The following NCAM2 variants were observed in gnomAD, a reference collection of about 807,000 sequenced individuals.
NCAM2 encodes neural cell adhesion molecule 2.
In NCAM2, 30 loss-of-function variants were observed where a neutral mutation model predicts 98.1. The ratio of observed to expected loss-of-function variants is 0.31; its 90% CI spans 0.23 to 0.41. The LOEUF is 0.41. Among genes scored for constraint, NCAM2 ranks in the 10% least tolerant of loss-of-function variants. NCAM2 has a pLI of 1.00. For synonymous variants in NCAM2, 368 were observed against 342.4 expected (o/e 1.07, Z -0.83); for missense variants, 867 against 1,005.8 (o/e 0.86, Z 1.87).
chr21:21,095,653 A>T (rs376303941), intron 1 of NCAM2, among the ~76,000 whole-genome samples: 3 of 151,622 alleles, frequency 2.0e-5, no homozygotes, highest in African/African-American at 7.2e-5. Context: ...AGGAATAAAG[A>T]TATTGAATAC....
chr21:21,301,689 T>A (rs1350357908), intron 5 of NCAM2, among the ~76,000 whole-genome samples: 1 of 150,244 alleles, frequency 6.7e-6, no homozygotes, highest in African/African-American at 2.5e-5. Flanking sequence ...TCCAATTTCA[T>A]CCATGTCCCT....
At chr21:21,118,862 T>C (rs2066616060) in intron 1 of NCAM2, among the ~76,000 whole-genome samples, 1 of 152,154 alleles carries the variant, frequency 6.6e-6, no homozygotes, top group African/African-American at 2.4e-5. Context: ...CTCTCCCCAG[T>C]GTTTTCAGGT....
chr21:21,040,898 C>A (rs1288485852), intron 1 of NCAM2, among the ~76,000 whole-genome samples: 3 of 152,022 alleles, frequency 2.0e-5, no homozygotes, highest in African/African-American at 7.2e-5. Flanking sequence ...TATTGTGTAT[C>A]TTCAGATAGC....
intron 15 of NCAM2, among the ~76,000 whole-genome samples, chr21:21,480,978 A>G (rs983567417): frequency 3.9e-5 from 6 of 152,234 alleles, no homozygotes; most frequent in Admixed American, 2.6e-4. Flanking sequence ...TGAAATATCA[A>G]ATCGTTGGTT....
intron 8 of NCAM2, 104 bp downstream of exon 8, chr21:21,338,638 G>A: frequency 4.2e-6 from 5 of 1,177,274 alleles, no homozygotes; most frequent in South Asian, 1.8e-5. Flanking sequence ...GTAACTTGTA[G>A]GATCAAATAA....
intron 1 of NCAM2, among the ~76,000 whole-genome samples, chr21:21,193,973 C>T (rs1425963727): frequency 1.3e-5 from 2 of 151,660 alleles, no homozygotes; most frequent in African/African-American, 4.8e-5. Context: ...TTTTATGTGC[C>T]TTGTATTAAA....
At chr21:21,040,409 A>G (rs1307742400) in intron 1 of NCAM2, among the ~76,000 whole-genome samples, 3 of 152,010 alleles carry the variant, frequency 2.0e-5, no homozygotes, top group Non-Finnish European at 2.9e-5. Flanking sequence ...ATTTAGATAT[A>G]TGAATATATA....
chr21:21,271,189 A>G (rs2072484233), intron 1 of NCAM2, among the ~76,000 whole-genome samples: 1 of 152,214 alleles, frequency 6.6e-6, no homozygotes, highest in African/African-American at 2.4e-5. Flanking sequence ...TAAAAATCTA[A>G]AAAGAATGTA....
intron 12 of NCAM2, among the ~76,000 whole-genome samples, chr21:21,465,377 T>G (rs1371211763): frequency 6.6e-6 from 1 of 151,806 alleles, no homozygotes; most frequent in Non-Finnish European, 1.5e-5. Context: ...GCCCAAGAAT[T>G]CAACACCAGC....
intron 1 of NCAM2, among the ~76,000 whole-genome samples, chr21:21,148,728 A>C (rs2067362518): frequency 6.6e-6 from 1 of 152,168 alleles, no homozygotes; most frequent in African/African-American, 2.4e-5. Context: ...TTTCCCTTAG[A>C]TTTCCCAGTA....
chr21:21,390,613 A>G (rs1481139796), intron 9 of NCAM2, among the ~76,000 whole-genome samples: 1 of 152,188 alleles, frequency 6.6e-6, no homozygotes, highest in Non-Finnish European at 1.5e-5. Context: ...AAAAGAACAA[A>G]TAACATATTC....
chr21:21,097,772 A>G (rs1347682226), intron 1 of NCAM2, among the ~76,000 whole-genome samples: 1 of 151,226 alleles, frequency 6.6e-6, no homozygotes, highest in Non-Finnish European at 1.5e-5. Context: ...GTTTTATTCT[A>G]ATCAAAAGAG....
At chr21:21,406,595 AAGG>A (rs1025852337) in intron 9 of NCAM2, among the ~76,000 whole-genome samples, 1 of 152,194 alleles carries the variant, frequency 6.6e-6, no homozygotes. Context: ...GGCTTTCAGA[AAGG>A]AGATCTTTTT....
intron 1 of NCAM2, among the ~76,000 whole-genome samples, chr21:21,250,708 T>C (rs934311010): frequency 5.3e-5 from 8 of 152,242 alleles, no homozygotes; most frequent in African/African-American, 1.9e-4. Context: ...AGTCACACTA[T>C]ATCCACAGAT....
At chr21:21,252,496 A>T (rs573461201) in intron 1 of NCAM2, among the ~76,000 whole-genome samples, 1 of 151,924 alleles carries the variant, frequency 6.6e-6, no homozygotes, top group Non-Finnish European at 1.5e-5. Context: ...AATCTAGTCA[A>T]TCAATTATAG....
chr21:21,218,133 G>T (rs185011709), intron 1 of NCAM2, among the ~76,000 whole-genome samples: 1 of 152,102 alleles, frequency 6.6e-6, no homozygotes, highest in African/African-American at 2.4e-5. Context: ...CATTTATTAC[G>T]GCAAAAATAG....
chr21:21,441,793 G>A lies in NCAM2; in HGVS notation c.1654+9512G>A, dbSNP rs139752710. ...TGCTAACAAAAGTGCCCTTAGGCTG[G>A]AGTGGGCTTGTTTGATTAAGGAACA... On this transcript the variant is annotated intron_variant, in intron 12 of 17. Coordinates refer to ENST00000400546, the MANE Select transcript of NCAM2 (RefSeq NM_004540.5). Among the ~76,000 whole-genome samples, 325 of 152,282 alleles carry A rather than the reference G, an allele frequency of 2.1e-3. 1 individual carries two copies. The highest frequency in any genetic ancestry group is 7.3e-3 in the African/African-American group (305 of 41,552).
chr21:21,122,492 C>T (rs1260035229), intron 1 of NCAM2, among the ~76,000 whole-genome samples: 1 of 152,172 alleles, frequency 6.6e-6, no homozygotes, highest in Non-Finnish European at 1.5e-5. Flanking sequence ...TTAATAATTA[C>T]TGCCATAAAA....
intron 1 of NCAM2, among the ~76,000 whole-genome samples, chr21:21,124,070 T>A (rs1007646651): frequency 1.5e-4 from 8 of 52,302 alleles, no homozygotes; most frequent in African/African-American, 6.6e-4. Context: ...ATGGTATCGA[T>A]CTCTTGACCT....
Sources: gnomAD v4.1 joint callset for allele counts (sites outside exome capture counted in the v4.1 genomes callset) on GRCh38, gnomAD v4.1.1 for gene constraint, MANE v1.5 for transcripts, NCBI Gene and HGNC (gene_info 2026-07-23, HGNC 2026-07-21) for gene names.